The following SERPINB8 variants were observed in gnomAD, a reference collection of about 807,000 sequenced individuals.
The protein encoded by SERPINB8 is serpin family B member 8, also known as serpin B8.
SERPINB8 carries 25 observed loss-of-function variants against 35.3 expected under a neutral mutation model. The ratio of observed to expected loss-of-function variants is 0.71; its 90% CI spans 0.52 to 0.99. SERPINB8 has a LOEUF of 0.99. Among genes scored for constraint, SERPINB8 ranks in the 50% least tolerant of loss-of-function variants. The pLI is 0.00. For synonymous variants in SERPINB8, 186 were observed against 160.8 expected, an observed-to-expected ratio of 1.16 and a Z score of -1.19; for missense variants, 484 against 446.5, an observed-to-expected ratio of 1.08 and a Z score of -0.76.
In SERPINB8 at chr18:63,983,696, G is replaced by A; in HGVS notation, c.542G>A (p.Arg181Lys). ...WNEQFDRKYTRGMLFKTNEEK... is the reference protein window; with the variant it reads ...WNEQFDRKYTKGMLFKTNEEK... ...GAGCAATTTGACAGAAAGTACACAA[G>A]GGGAATGCTCTTTAAAACCAACGAG... The change falls in exon 5 of 7, where the codon AGG becomes AAG. Residue 181 changes from arginine to lysine, a missense_variant. Arg to Lys is a conservative substitution (Grantham distance 26). Coordinates refer to ENST00000397985, the MANE Select transcript of SERPINB8 (RefSeq NM_002640.4). The A allele has an allele frequency of 6.2e-7, 1 of 1,613,902 alleles. No individual in the cohort carries two copies. Among genetic ancestry groups the A allele is most frequent in the Non-Finnish European group, 8.5e-7 (1 of 1,179,816 alleles).
At chr18:63,998,080 C>A (rs1442184270) in intron 1 of SERPINB8, among the ~76,000 whole-genome samples, 3 of 152,126 alleles carry the variant, frequency 2.0e-5, no homozygotes, top group Non-Finnish European at 2.9e-5. Flanking sequence ...AAAGATAATC[C>A]ACCCGCCAGA....
intron 2 of SERPINB8, 124 bp downstream of exon 2, chr18:63,978,600 C>G: frequency 9.1e-7 from 1 of 1,095,154 alleles, no homozygotes. Context: ...AGGAGCAGCT[C>G]GGCAGTGGAG....
intron 1 of SERPINB8, among the ~76,000 whole-genome samples, chr18:64,004,109 A>T (rs191130728): frequency 2.4e-3 from 358 of 152,028 alleles, no homozygotes; most frequent in Admixed American, 4.3e-3. Context: ...TTTTAAAGGA[A>T]AAATTTTATG....
At chr18:63,985,359 T>A in intron 6 of SERPINB8, 114 bp downstream of exon 6, 1 of 1,124,354 alleles carries the variant, frequency 8.9e-7, no homozygotes, top group Non-Finnish European at 1.3e-6. Flanking sequence ...TTACAGGCAG[T>A]GCTGGGTGAA....
chr18:64,000,060 A>G (rs2144840425), intron 1 of SERPINB8, among the ~76,000 whole-genome samples: 1 of 152,364 alleles, frequency 6.6e-6, no homozygotes, highest in South Asian at 2.1e-4. Flanking sequence ...CTGGACTTCC[A>G]GCTGGCCAGC....
At chr18:64,003,838 G>A (rs1023192741) in intron 1 of SERPINB8, among the ~76,000 whole-genome samples, 2 of 152,050 alleles carry the variant, frequency 1.3e-5, no homozygotes, top group Non-Finnish European at 2.9e-5. Context: ...ATTAAGGAGG[G>A]CAGTCAGCTT....
downstream of SERPINB8, among the ~76,000 whole-genome samples, chr18:63,989,770 C>T (rs550959414): frequency 3.6e-3 from 543 of 151,468 alleles, 3 homozygotes; most frequent in African/African-American, 0.013. Context: ...GGTGAAACCC[C>T]GTCTCTACTA....
At chr18:64,015,634 G>C (rs1391815422) in intron 7 of SERPINB8, among the ~76,000 whole-genome samples, 1 of 152,154 alleles carries the variant, frequency 6.6e-6, no homozygotes, top group Non-Finnish European at 1.5e-5. Context: ...TCAGTTAAGG[G>C]CTTTGATGAT....
At chr18:64,004,804 T>G (rs1372371119) in intron 1 of SERPINB8, 1 of 398,434 alleles carries the variant, frequency 2.5e-6, no homozygotes, top group Non-Finnish European at 4.4e-6. Flanking sequence ...ACTCTCATCT[T>G]GTGCCTCCTA....
rs1189146246 is a variant in SERPINB8, at chr18:63,987,305, C to T, written c.*27C>T. On this transcript the variant is annotated 3_prime_UTR_variant, in exon 7 of 7. Transcript: ENST00000397985. ...GAGGAGCAATTGCTGTACATACCCT[C>T]CTTTCCTTCTACCTATCTTGCCTTA... The T allele has an allele frequency of 2.5e-6, 4 of 1,576,388 alleles. No individual in the cohort carries two copies. Among genetic ancestry groups the T allele is most frequent in the South Asian group, 1.2e-5 (1 of 84,918 alleles).
intron 1 of SERPINB8, among the ~76,000 whole-genome samples, chr18:63,975,285 T>C (rs1343843245): frequency 6.6e-6 from 1 of 152,166 alleles, no homozygotes; most frequent in Non-Finnish European, 1.5e-5. Flanking sequence ...CACCTTCTGG[T>C]TGGCCCAGTT....
rs192947966 is a variant in SERPINB8 at position 64,000,834 on chromosome 18, C to T, written c.71-3985C>T. Among the ~76,000 whole-genome samples, 11 of 152,316 alleles carry T rather than the reference C, an allele frequency of 7.2e-5. No individual in the cohort carries two copies. The East Asian group carries it at 2.1e-3, about 29-fold the overall frequency. On this transcript the variant is annotated intron_variant, in intron 1 of 1. Coordinates refer to the SERPINB8 transcript ENST00000493661. ...GCCTGACTGTCACTCTCCCATTTGG[C>T]TCAGTGTCTTAATGGACCACCTCAA... is the stretch of plus-strand genomic sequence containing the variant.
At position 63,987,151 on chromosome 18, in the gene SERPINB8, C is replaced by G; in HGVS notation, c.998C>G (p.Ala333Gly). The G allele has an allele frequency of 6.2e-7, 1 of 1,614,214 alleles. No homozygotes were observed. Among genetic ancestry groups the G allele is most frequent in the South Asian group, 1.1e-5 (1 of 91,084 alleles). The change falls in exon 7 of 7, where the codon GCT becomes GGT. Residue 333 changes from alanine (A) to glycine (G), a missense_variant. Ala to Gly is a moderately conservative substitution (Grantham distance 60, BLOSUM62 0). Coordinates refer to ENST00000397985, the MANE Select transcript of SERPINB8 (RefSeq NM_002640.4). Reference sequence around the variant, plus strand: ...GGCACAGAGGCTGCCGCAGCCACTGCTGTGGTCAGGAATTCCCGGTGCAGC... The same window carrying G: ...GGCACAGAGGCTGCCGCAGCCACTGGTGTGGTCAGGAATTCCCGGTGCAGC... ...EEGTEAAAAT[A>G]VVRNSRCSRM...
chr18:63,973,957 C>T lies in SERPINB8; in HGVS notation c.-11+3787C>T, dbSNP rs549700591. 3.9e-5 allele frequency among the ~76,000 whole-genome samples: 6 copies of T among 152,284 alleles called. No individual in the cohort carries two copies. The South Asian group carries it at 1.0e-3, about 26-fold the overall frequency. On this transcript the variant is annotated intron_variant, in intron 1 of 6. Transcript: ENST00000397985. ...CTTTGTTCTTTTTGCTTAGGATTGTCTTGGCAATGTGGGCTCTTTTTTGGT... is the reference window on the plus strand; with the variant it reads ...CTTTGTTCTTTTTGCTTAGGATTGTTTTGGCAATGTGGGCTCTTTTTTGGT...
At chr18:63,984,086 A>G (rs2050714173) in intron 5 of SERPINB8, among the ~76,000 whole-genome samples, 2 of 152,192 alleles carry the variant, frequency 1.3e-5, no homozygotes, top group African/African-American at 4.8e-5. Context: ...GCCTCAAGTG[A>G]TACACCTGCC....
intron 1 of SERPINB8, among the ~76,000 whole-genome samples, chr18:64,001,639 C>T (rs1017993630): frequency 6.6e-6 from 1 of 152,058 alleles, no homozygotes; most frequent in Non-Finnish European, 1.5e-5. Context: ...TATAGGCGCC[C>T]ACCACAGTCG....
intron 1 of SERPINB8, among the ~76,000 whole-genome samples, chr18:64,002,807 C>T (rs886842726): frequency 5.9e-5 from 9 of 152,170 alleles, no homozygotes; most frequent in African/African-American, 9.6e-5. Context: ...CGGGTCCGCC[C>T]TCGGTGCCGA....
intron 7 of SERPINB8, among the ~76,000 whole-genome samples, chr18:64,016,231 A>G (rs559252647): frequency 6.6e-6 from 1 of 152,300 alleles, no homozygotes; most frequent in South Asian, 2.1e-4. Flanking sequence ...AATGGTTCAC[A>G]TGGTTTTCAG....
At chr18:64,006,953 T>G (rs2050902732), downstream of SERPINB8, among the ~76,000 whole-genome samples, 1 of 151,522 alleles carries the variant, frequency 6.6e-6, no homozygotes, top group South Asian at 2.1e-4. Flanking sequence ...CCCAAATGAC[T>G]CAGAGGAAAG....
Sources: allele counts gnomAD v4.1 joint callset (sites outside exome capture counted in the v4.1 genomes callset), GRCh38; gene constraint gnomAD v4.1.1; transcripts MANE v1.5; gene names NCBI Gene and HGNC (gene_info 2026-07-23, HGNC 2026-07-21).